KTN1: variants seen among roughly 807,000 people sequenced by gnomAD.
KTN1 encodes kinectin.
Under a neutral mutation model 222.5 loss-of-function variants are expected in KTN1, and 130 were observed. The observed-to-expected ratio is 0.58, with a 90% CI of 0.51 to 0.68. KTN1 has a LOEUF of 0.68. Among genes scored for constraint, KTN1 ranks in the 30% least tolerant of loss-of-function variants. KTN1 has a pLI of 0.00. For synonymous variants in KTN1, 512 were observed against 496.3 expected (o/e 1.03, Z -0.42); for missense variants, 1,508 against 1,500.4 (o/e 1.01, Z -0.08).
intron 40 of KTN1, 120 bp from the exon 41 acceptor site, chr14:55,675,715 G>C (rs1254833256): frequency 3.3e-6 from 2 of 614,610 alleles, no homozygotes; most frequent in East Asian, 2.9e-5. Context: ...CAGCATATTG[G>C]CTAATCCACT....
At chr14:55,642,580 T>G (rs1197638244) in intron 18 of KTN1, among the ~76,000 whole-genome samples, 2 of 152,200 alleles carry the variant, frequency 1.3e-5, no homozygotes, top group Non-Finnish European at 2.9e-5. Flanking sequence ...AATATTAAGT[T>G]TTTGAATTGT....
chr14:55,581,288 T>TA (rs2031534714), intron 1 of KTN1, among the ~76,000 whole-genome samples: 1 of 152,234 alleles, frequency 6.6e-6, no homozygotes, highest in African/African-American at 2.4e-5. Context: ...GCACCTTGAC[T>TA]AGGTTAGGTT....
intron 2 of KTN1, among the ~76,000 whole-genome samples, chr14:55,613,726 C>G (rs2037944239): frequency 6.6e-6 from 1 of 152,104 alleles, no homozygotes; most frequent in Non-Finnish European, 1.5e-5. Context: ...GCCTTGGCCT[C>G]ACAAAGTGCT....
intron 8 of KTN1, among the ~76,000 whole-genome samples, chr14:55,633,907 G>A (rs1424705669): frequency 6.6e-6 from 1 of 152,164 alleles, no homozygotes; most frequent in Non-Finnish European, 1.5e-5. Flanking sequence ...GGGAGGCCGA[G>A]GCAGGCGGAT....
intron 2 of KTN1, among the ~76,000 whole-genome samples, chr14:55,615,831 CTTCCTTCTTTTCCTTCCT>C (rs1373153088): frequency 6.7e-6 from 1 of 149,690 alleles, no homozygotes; most frequent in Non-Finnish European, 1.5e-5. Context: ...CTTCCCTTCC[CTTCCTTCTTTTCCTTCCT>C]TTCCTTCCCT....
chr14:55,667,568 C>T, intron 34 of KTN1: 1 of 265,378 alleles, frequency 3.8e-6, no homozygotes, highest in Non-Finnish European at 7.0e-6. Flanking sequence ...TTAAAAACAT[C>T]ATATTTGGGA....
At chr14:55,663,469 A>T (rs1167475011) in intron 32 of KTN1, 1 of 162,804 alleles carries the variant, frequency 6.1e-6, no homozygotes, top group Admixed American at 5.9e-5. Context: ...TTACTATGGG[A>T]TTCCTAGGTA....
chr14:55,597,971 A>T (rs2035326990), intron 1 of KTN1, among the ~76,000 whole-genome samples: 1 of 152,206 alleles, frequency 6.6e-6, no homozygotes, highest in African/African-American at 2.4e-5. Context: ...GGTGTACTTA[A>T]CTATCTGTGA....
intron 2 of KTN1, among the ~76,000 whole-genome samples, chr14:55,614,752 A>G (rs2038101275): frequency 6.6e-6 from 1 of 152,208 alleles, no homozygotes; most frequent in African/African-American, 2.4e-5. Context: ...ACCAGAGACC[A>G]TATGTCCTAT....
At chr14:55,636,592 T>G (rs1024816725) in intron 10 of KTN1, 56 bp downstream of exon 10, 44 of 1,294,134 alleles carry the variant, frequency 3.4e-5, no homozygotes, top group Non-Finnish European at 4.7e-5. Flanking sequence ...TAAAATTTCC[T>G]CTCTCTTCCA....
chr14:55,635,863 A>C (rs1299112714), intron 9 of KTN1, among the ~76,000 whole-genome samples: 1 of 152,184 alleles, frequency 6.6e-6, no homozygotes, highest in Admixed American at 6.5e-5. Context: ...TATGGAAAAT[A>C]GTGTTTTTCT....
intron 6 of KTN1, 87 bp from the exon 7 acceptor site, chr14:55,629,870 G>GTTAAATA: frequency 1.1e-6 from 1 of 899,750 alleles, no homozygotes; most frequent in Middle Eastern, 3.5e-4. Context: ...TTTTACTGAT[G>GTTAAATA]TTAAATAACA....
At chr14:55,648,626 A>G (rs1259433476) in intron 20 of KTN1, among the ~76,000 whole-genome samples, 176 bp from the exon 21 acceptor site, 1 of 152,230 alleles carries the variant, frequency 6.6e-6, no homozygotes. Flanking sequence ...TTGGATAGCT[A>G]TAGAAGTTAC....
At chr14:55,597,156 G>A (rs2035189437) in intron 1 of KTN1, among the ~76,000 whole-genome samples, 1 of 152,138 alleles carries the variant, frequency 6.6e-6, no homozygotes. Context: ...ATTGTGCGTT[G>A]GACTCTGTGT....
At chr14:55,599,830 C>T (rs1294537265) in intron 1 of KTN1, among the ~76,000 whole-genome samples, 1 of 151,890 alleles carries the variant, frequency 6.6e-6, no homozygotes, top group Admixed American at 6.6e-5. Flanking sequence ...AGACTTCTGG[C>T]CTTTGGAAAA....
chr14:55,671,403 T>C, intron 35 of KTN1, 163 bp from the exon 36 acceptor site: 10 of 585,846 alleles, frequency 1.7e-5, no homozygotes, highest in Non-Finnish European at 3.0e-5. Flanking sequence ...AAAAGGGTTA[T>C]TGAATGAACT....
At chr14:55,601,411 T>C (rs575389045) in intron 1 of KTN1, among the ~76,000 whole-genome samples, 1 of 152,316 alleles carries the variant, frequency 6.6e-6, no homozygotes, top group Non-Finnish European at 1.5e-5. Context: ...CTGGATTGTT[T>C]TGTCTTTTGC....
At position 55,612,584 on chromosome 14, in the gene KTN1, A is replaced by G. The variant is rs1394616571; in HGVS notation, c.523+13A>G. The stretch of plus-strand genomic sequence containing the variant: ...AAAAATGGAAGCGGTATTGTAATCT[A>G]TTTAATCTATTTAATTTTATTGTAT... On this transcript the variant is annotated intron_variant, in intron 2 of 43. Transcript: ENST00000395314. 2.5e-5 allele frequency: 38 copies of G among 1,544,220 alleles called. No homozygotes were observed. The highest frequency in any genetic ancestry group is 5.6e-5 in the African/African-American group (4 of 71,854).
At chr14:55,622,120 T>G (rs1460515342) in intron 5 of KTN1, among the ~76,000 whole-genome samples, 3 of 152,176 alleles carry the variant, frequency 2.0e-5, no homozygotes, top group African/African-American at 7.2e-5. Flanking sequence ...GTGCTGGGAT[T>G]ACAGGTGTGA....
Sources: gnomAD v4.1 joint callset for allele counts (sites outside exome capture counted in the v4.1 genomes callset) on GRCh38, gnomAD v4.1.1 for gene constraint, MANE v1.5 for transcripts, NCBI Gene and HGNC (gene_info 2026-07-23, HGNC 2026-07-21) for gene names.